ZNF248: variants seen among roughly 807,000 people sequenced by gnomAD.
ZNF248 encodes zinc finger protein 248.
ZNF248 carries 20 observed loss-of-function variants against 44.3 expected under a neutral mutation model. The observed-to-expected ratio is 0.45, with a 90% CI of 0.32 to 0.66. The LOEUF (loss-of-function observed/expected upper bound fraction) is 0.66. Ranked by LOEUF, ZNF248 falls within the 30% of genes least tolerant of loss-of-function variation. The pLI is 0.04. For missense variants in ZNF248, 654 were observed against 677.0 expected, an observed-to-expected ratio of 0.97 and a Z score of 0.38; for synonymous variants, 224 against 229.0, an observed-to-expected ratio of 0.98 and a Z score of 0.20.
chr10:37,810,531 T>C (rs747366339), intron 6 of ZNF248, among the ~76,000 whole-genome samples: 2 of 152,134 alleles, frequency 1.3e-5, no homozygotes, highest in Non-Finnish European at 2.9e-5. Context: ...GTCTGTTATA[T>C]ATGGAGTTTT....
intron 6 of ZNF248, among the ~76,000 whole-genome samples, chr10:37,818,451 G>A (rs1171341322): frequency 6.6e-6 from 1 of 152,158 alleles, no homozygotes; most frequent in Admixed American, 6.5e-5. Context: ...AATCCATGCT[G>A]TCATGCTCAG....
At chr10:37,765,323 G>A in the ZNF248 span, among the ~76,000 whole-genome samples, 1 of 151,976 alleles carries the variant, frequency 6.6e-6, no homozygotes, top group Non-Finnish European at 1.5e-5. Context: ...GGCGATTTGG[G>A]GATTATTCCT....
the ZNF248 span, among the ~76,000 whole-genome samples, chr10:37,769,138 C>A: frequency 6.3e-3 from 961 of 152,220 alleles, 10 homozygotes; most frequent in African/African-American, 0.022. Context: ...CAATAGCTTA[C>A]CAACCAAAAA....
the ZNF248 span, among the ~76,000 whole-genome samples, chr10:37,760,210 A>T: frequency 4.6e-5 from 7 of 152,178 alleles, no homozygotes; most frequent in Admixed American, 6.5e-5. Context: ...ACTTCAAGAA[A>T]TAGAAAATGC....
chr10:37,763,410 G>C, the ZNF248 span, among the ~76,000 whole-genome samples: 1 of 152,242 alleles, frequency 6.6e-6, no homozygotes, highest in Admixed American at 6.5e-5. Context: ...TGGCAGGGCA[G>C]TGTGAGTTTG....
chr10:37,832,340 G>A lies in ZNF248; in HGVS notation c.1015C>T (p.Leu339Phe), dbSNP rs1461147718. ...ATGTGTACTATTTGATGTTTTAAGA[G>A]AGCTGACTTTTCCCAGGTTTTGTCA... ...VSDKTWEKSA[L>F]LKHQIVHMGG... Residue 339 changes from leucine to phenylalanine, a missense_variant, in exon 6 of 6, where the codon CTC becomes TTC. By Grantham distance (22) the Leu-to-Phe change is conservative. Coordinates refer to ENST00000395867, the MANE Select transcript of ZNF248 (RefSeq NM_021045.3). The A allele has an allele frequency of 6.2e-6, 10 of 1,613,892 alleles. No homozygotes were observed. Among genetic ancestry groups the A allele is most frequent in the Non-Finnish European group, 6.8e-6 (8 of 1,179,978 alleles).
At chr10:37,838,649 G>A (rs983801943) in intron 3 of ZNF248, among the ~76,000 whole-genome samples, 1 of 151,646 alleles carries the variant, frequency 6.6e-6, no homozygotes, top group Non-Finnish European at 1.5e-5. Flanking sequence ...TCATCTTCTG[G>A]AGCTTCCACC....
intron 6 of ZNF248, chr10:37,821,077 T>C: frequency 5.4e-6 from 4 of 740,508 alleles, no homozygotes; most frequent in South Asian, 3.1e-5. Context: ...CACTGAGAAG[T>C]AGGTCTACAG....
downstream of ZNF248, among the ~76,000 whole-genome samples, chr10:37,772,340 AG>A (rs1275753704): frequency 6.6e-6 from 1 of 152,088 alleles, no homozygotes; most frequent in Non-Finnish European, 1.5e-5. Flanking sequence ...TATCATGCAA[AG>A]TGAGAACCAA....
chr10:37,777,752 T>C (rs2046765226), intron 6 of ZNF248, among the ~76,000 whole-genome samples: 1 of 147,156 alleles, frequency 6.8e-6, no homozygotes, highest in Non-Finnish European at 1.5e-5. Flanking sequence ...GATTTCATTG[T>C]TCAATTCCCA....
At chr10:37,772,000 C>G (rs1296897349), downstream of ZNF248, among the ~76,000 whole-genome samples, 1 of 152,314 alleles carries the variant, frequency 6.6e-6, no homozygotes, top group South Asian at 2.1e-4. Flanking sequence ...GCTGCAGTGG[C>G]TCATACCTGT....
intron 1 of ZNF248, 125 bp downstream of exon 1, chr10:37,857,060 C>G (rs1258253103): frequency 6.6e-6 from 1 of 152,338 alleles, no homozygotes; most frequent in Non-Finnish European, 1.5e-5. Flanking sequence ...GCCCGGTGTT[C>G]GCGGAGGGGT....
At chr10:37,814,313 T>C (rs533190470) in intron 6 of ZNF248, among the ~76,000 whole-genome samples, 4 of 152,352 alleles carry the variant, frequency 2.6e-5, no homozygotes, top group East Asian at 1.9e-4. Flanking sequence ...TTTTAAGTTA[T>C]TGATGTCAAA....
chr10:37,824,673 A>ATT (rs755411927), downstream of ZNF248, among the ~76,000 whole-genome samples: 19 of 79,722 alleles, frequency 2.4e-4, 4 homozygotes, highest in East Asian at 1.3e-3. Flanking sequence ...ATTATTTTAA[A>ATT]TTTTTTTTTT....
chr10:37,855,815 C>G (rs897317639), intron 3 of ZNF248, among the ~76,000 whole-genome samples: 1 of 152,180 alleles, frequency 6.6e-6, no homozygotes, highest in Non-Finnish European at 1.5e-5. Flanking sequence ...AGAAACAAGT[C>G]GGAACTGTCA....
At chr10:37,828,650 A>C, downstream of ZNF248, 1 of 980,810 alleles carries the variant, frequency 1.0e-6, no homozygotes, top group African/African-American at 1.7e-5. Context: ...CTATTACTAG[A>C]AGAATGCAGA....
intron 3 of ZNF248, among the ~76,000 whole-genome samples, chr10:37,844,764 A>G (rs1052616532): frequency 2.0e-5 from 3 of 152,204 alleles, no homozygotes; most frequent in African/African-American, 7.2e-5. Flanking sequence ...GTAAATCAAA[A>G]TATGCTACAA....
intron 6 of ZNF248, chr10:37,776,598 C>T (rs974992029): frequency 5.0e-6 from 2 of 398,086 alleles, no homozygotes; most frequent in Non-Finnish European, 8.9e-6. Flanking sequence ...AATCATTTTA[C>T]TCAGAAACTT....
chr10:37,857,796 C>T (rs2061567249), upstream of ZNF248: 2 of 152,492 alleles, frequency 1.3e-5, no homozygotes, highest in Admixed American at 6.5e-5. Context: ...GAGCGCCAGG[C>T]GCAGGGACTG....
Sources: allele counts gnomAD v4.1 joint callset (sites outside exome capture counted in the v4.1 genomes callset), GRCh38; gene constraint gnomAD v4.1.1; transcripts MANE v1.5; gene names NCBI Gene and HGNC (gene_info 2026-07-23, HGNC 2026-07-21).